The following ADGRL2 variants were observed in gnomAD, a reference collection of about 807,000 sequenced individuals.
The protein encoded by ADGRL2 is adhesion G protein-coupled receptor L2.
A neutral mutation model predicts 157.4 loss-of-function variants in ADGRL2; 44 were observed. The observed-to-expected ratio is 0.28, with a 90% confidence interval of 0.22 to 0.36. The LOEUF (loss-of-function observed/expected upper bound fraction) is 0.36, where lower values mean the gene tolerates loss of function less well. Among genes scored for constraint, ADGRL2 ranks in the 10% least tolerant of loss-of-function variants. ADGRL2 has a pLI of 1.00. For missense variants in ADGRL2, 1,510 were observed against 1,768.9 expected (o/e 0.85, Z 2.63); for synonymous variants, 585 against 624.7 (o/e 0.94, Z 0.95).
chr1:81,593,999 T>C (rs2081182985), intron 3 of ADGRL2, among the ~76,000 whole-genome samples: 1 of 152,232 alleles, frequency 6.6e-6, no homozygotes, highest in African/African-American at 2.4e-5. Flanking sequence ...CAACTATGTA[T>C]GTATGTAGAA....
intron 1 of ADGRL2, among the ~76,000 whole-genome samples, chr1:81,374,802 A>G (rs2076221351): frequency 6.6e-6 from 1 of 152,194 alleles, no homozygotes. Flanking sequence ...TGAGACTTCC[A>G]GCACAGTAAC....
At chr1:81,868,790 G>A (rs184096872) in intron 2 of ADGRL2, among the ~76,000 whole-genome samples, 2 of 146,158 alleles carry the variant, frequency 1.4e-5, no homozygotes, top group African/African-American at 2.8e-5. Context: ...CATCTTTTTT[G>A]GGGGGAAAGG....
chr1:81,837,136 G>A, intron 2 of ADGRL2, 79 bp downstream of exon 2: 1 of 660,356 alleles, frequency 1.5e-6, no homozygotes, highest in African/African-American at 1.9e-5. Flanking sequence ...GAAGTGCCTA[G>A]AATATTTGTT....
In ADGRL2 at chr1:81,928,374, T is replaced by C. The variant is rs545096004; in HGVS notation, c.288-8354T>C. Among the ~76,000 whole-genome samples the C allele has an allele frequency of 2.0e-5, 3 of 152,250 alleles. No individual in the cohort carries two copies. In the East Asian group the frequency reaches 5.8e-4, roughly 29 times the overall value. On this transcript the variant is annotated intron_variant, in intron 3 of 23. Transcript: ENST00000686636. The stretch of plus-strand genomic sequence containing the variant: ...AATTGGATGTCTGGTGTTTATTTTC[T>C]ATTAACCATGTTTATTTATGAGCAG...
intron 3 of ADGRL2, among the ~76,000 whole-genome samples, chr1:81,677,066 A>T (rs923027556): frequency 2.0e-5 from 3 of 148,434 alleles, no homozygotes; most frequent in Non-Finnish European, 3.0e-5. Context: ...GGCTCATCGC[A>T]ACTCTGCCTC....
At chr1:81,491,385 T>A (rs2078629802) in intron 2 of ADGRL2, among the ~76,000 whole-genome samples, 1 of 152,152 alleles carries the variant, frequency 6.6e-6, no homozygotes, top group Non-Finnish European at 1.5e-5. Flanking sequence ...ATGGGTGTGT[T>A]CTTTGTGAAA....
At chr1:81,871,620 C>T (rs573923921) in intron 2 of ADGRL2, among the ~76,000 whole-genome samples, 15 of 152,138 alleles carry the variant, frequency 9.9e-5, no homozygotes, top group African/African-American at 2.4e-4. Context: ...TTATAATGAT[C>T]GCCATTCTAA....
At chr1:81,843,412 T>C (rs756268918) in intron 2 of ADGRL2, among the ~76,000 whole-genome samples, 1 of 152,204 alleles carries the variant, frequency 6.6e-6, no homozygotes, top group Non-Finnish European at 1.5e-5. Flanking sequence ...ATTACAGGCA[T>C]GAACCACTGT....
intron 1 of ADGRL2, among the ~76,000 whole-genome samples, chr1:81,822,705 A>G (rs1408024000): frequency 1.3e-5 from 2 of 152,120 alleles, no homozygotes; most frequent in East Asian, 1.9e-4. Flanking sequence ...TAGCAAAATT[A>G]GCAAGTATAT....
At chr1:81,351,730 A>C (rs1662905074) in intron 1 of ADGRL2, among the ~76,000 whole-genome samples, 1 of 152,212 alleles carries the variant, frequency 6.6e-6, no homozygotes, top group African/African-American at 2.4e-5. Flanking sequence ...TAATGTTTTT[A>C]GTGCTTACAT....
intron 3 of ADGRL2, among the ~76,000 whole-genome samples, chr1:81,684,604 G>C (rs2083192250): frequency 6.6e-6 from 1 of 152,176 alleles, no homozygotes; most frequent in South Asian, 2.1e-4. Context: ...TCTGTCAACT[G>C]TTCCTTTTGC....
chr1:81,614,659 G>A (rs998065588), intron 3 of ADGRL2, among the ~76,000 whole-genome samples: 6 of 152,076 alleles, frequency 3.9e-5, no homozygotes, highest in African/African-American at 1.4e-4. Context: ...CAGAGCCAGG[G>A]CTCATGGGCG....
At chr1:81,581,953 G>A (rs951111071) in intron 3 of ADGRL2, among the ~76,000 whole-genome samples, 2 of 151,448 alleles carry the variant, frequency 1.3e-5, no homozygotes, top group Non-Finnish European at 2.9e-5. Flanking sequence ...AGGCATGGTG[G>A]CTCACACCTA....
At chr1:81,506,571 G>A (rs1212257705) in intron 2 of ADGRL2, among the ~76,000 whole-genome samples, 1 of 152,016 alleles carries the variant, frequency 6.6e-6, no homozygotes, top group African/African-American at 2.4e-5. Flanking sequence ...TTAGCCAGGT[G>A]TGTCAGTGCA....
intron 1 of ADGRL2, among the ~76,000 whole-genome samples, chr1:81,316,852 T>C (rs891537405): frequency 5.3e-5 from 8 of 152,238 alleles, no homozygotes; most frequent in Admixed American, 1.3e-4. Flanking sequence ...AGATCCCAGG[T>C]AGTTAGAGGA....
chr1:81,700,594 C>T (rs578243271), intron 1 of ADGRL2, among the ~76,000 whole-genome samples: 42 of 152,200 alleles, frequency 2.8e-4, no homozygotes, highest in Middle Eastern at 6.8e-3. Flanking sequence ...TAATCAAGTG[C>T]GTGGTGTCAT....
At chr1:81,609,531 A>G (rs905911831) in intron 3 of ADGRL2, among the ~76,000 whole-genome samples, 11 of 152,326 alleles carry the variant, frequency 7.2e-5, no homozygotes, top group African/African-American at 1.9e-4. Context: ...TCTGCCACAC[A>G]TAAGAACTTT....
intron 2 of ADGRL2, among the ~76,000 whole-genome samples, chr1:81,771,348 G>T (rs1399492336): frequency 2.0e-5 from 3 of 152,078 alleles, no homozygotes. Flanking sequence ...TCACCTTAAA[G>T]ACATTTACTG....
chr1:81,891,257 A>G (rs894618861), intron 2 of ADGRL2, among the ~76,000 whole-genome samples: 1 of 151,866 alleles, frequency 6.6e-6, no homozygotes, highest in African/African-American at 2.4e-5. Flanking sequence ...GATGTTTTGC[A>G]TCATATTCCA....
Sources: gnomAD v4.1 joint callset for allele counts (sites outside exome capture counted in the v4.1 genomes callset) on GRCh38, gnomAD v4.1.1 for gene constraint, MANE v1.5 for transcripts, NCBI Gene and HGNC (gene_info 2026-07-23, HGNC 2026-07-21) for gene names.